AUTS2: variants seen among roughly 807,000 people sequenced by gnomAD.
The protein encoded by AUTS2 is activator of transcription and developmental regulator AUTS2, also known as autism susceptibility gene 2 protein.
AUTS2 carries 17 observed loss-of-function variants against 112.4 expected under a neutral mutation model. The ratio of observed to expected loss-of-function variants is 0.15; its 90% CI spans 0.10 to 0.23. The LOEUF is 0.23. AUTS2 is among the 10% of genes least tolerant of loss of function. The pLI, the probability that AUTS2 is intolerant of heterozygous loss-of-function variation, is 1.00. For missense variants in AUTS2, 1,510 were observed against 1,701.6 expected (o/e 0.89, Z 1.98); for synonymous variants, 751 against 702.7 (o/e 1.07, Z -1.09).
chr7:69,603,094 T>G (rs1034994905), intron 1 of AUTS2, among the ~76,000 whole-genome samples: 2 of 152,226 alleles, frequency 1.3e-5, no homozygotes, highest in African/African-American at 2.4e-5. Flanking sequence ...TAGTATGTTT[T>G]CGGGCCTTGT....
intron 2 of AUTS2, among the ~76,000 whole-genome samples, chr7:69,948,770 TTTCATTTATTTATTTA>T (rs1796912813): frequency 6.7e-6 from 1 of 149,618 alleles, no homozygotes; most frequent in African/African-American, 2.5e-5. Flanking sequence ...CAAAATTTTC[TTTCATTTATTTATTTA>T]TTTATTTATT....
chr7:70,400,894 G>T (rs1048615730), intron 4 of AUTS2, among the ~76,000 whole-genome samples: 2 of 152,126 alleles, frequency 1.3e-5, no homozygotes, highest in Non-Finnish European at 2.9e-5. Context: ...TCTAATGCAC[G>T]CCAAAGTTGA....
chr7:70,208,011 C>CAAAAAAAAAAAAAAAAAAA (rs61267230), intron 4 of AUTS2, among the ~76,000 whole-genome samples: 1 of 48,052 alleles, frequency 2.1e-5, no homozygotes, highest in Non-Finnish European at 4.1e-5. Flanking sequence ...AACTCCATCT[C>CAAAAAAAAAAAAAAAAAAA]AAAAAAAAAA....
intron 2 of AUTS2, among the ~76,000 whole-genome samples, chr7:70,109,185 A>C (rs1804939734): frequency 6.6e-6 from 1 of 152,234 alleles, no homozygotes; most frequent in Non-Finnish European, 1.5e-5. Flanking sequence ...AAATCATAAA[A>C]AGTAAGTTTT....
intron 4 of AUTS2, among the ~76,000 whole-genome samples, chr7:70,266,598 T>C (rs977221867): frequency 1.5e-4 from 23 of 152,132 alleles, no homozygotes; most frequent in African/African-American, 5.6e-4. Context: ...TTTTTGAGGG[T>C]GATGGAAGTG....
At chr7:69,871,293 G>A (rs908926069) in intron 1 of AUTS2, among the ~76,000 whole-genome samples, 3 of 152,148 alleles carry the variant, frequency 2.0e-5, no homozygotes, top group Admixed American at 2.0e-4. Context: ...TTGAAGTTTT[G>A]ATTTGAAGGG....
intron 5 of AUTS2, among the ~76,000 whole-genome samples, chr7:70,617,490 G>GTTTTTGTAT (rs910751770): frequency 6.6e-6 from 1 of 152,024 alleles, no homozygotes; most frequent in Non-Finnish European, 1.5e-5. Flanking sequence ...GTGAAACCCC[G>GTTTTTGTAT]TTTCTACCAA....
At chr7:69,907,957 A>G (rs1378241464) in intron 2 of AUTS2, among the ~76,000 whole-genome samples, 1 of 152,186 alleles carries the variant, frequency 6.6e-6, no homozygotes, top group Non-Finnish European at 1.5e-5. Context: ...GCTTTTGTAA[A>G]TGTTTATATG....
chr7:69,776,428 T>A (rs948917077), intron 1 of AUTS2, among the ~76,000 whole-genome samples: 2 of 152,120 alleles, frequency 1.3e-5, no homozygotes, highest in African/African-American at 4.8e-5. Context: ...ATTTTTTTGT[T>A]TTTTAGAGAT....
chr7:70,553,186 G>A (rs966286882), intron 5 of AUTS2, among the ~76,000 whole-genome samples: 1 of 152,170 alleles, frequency 6.6e-6, no homozygotes. Flanking sequence ...GACAGACCCT[G>A]TGCGTATTTT....
intron 4 of AUTS2, among the ~76,000 whole-genome samples, chr7:70,185,336 G>A (rs1409393237): frequency 1.4e-5 from 2 of 143,292 alleles, no homozygotes; most frequent in Admixed American, 1.5e-4. Flanking sequence ...TCAACCTCTG[G>A]CCTCAAGTGA....
At chr7:70,487,639 A>G (rs973041690) in intron 5 of AUTS2, among the ~76,000 whole-genome samples, 1 of 152,182 alleles carries the variant, frequency 6.6e-6, no homozygotes. Context: ...GGAAGTGCGC[A>G]TGCTAAATGT....
chr7:69,747,811 G>GTGTGTGTGTA (rs1787565145), intron 1 of AUTS2, among the ~76,000 whole-genome samples: 1 of 151,560 alleles, frequency 6.6e-6, no homozygotes, highest in Non-Finnish European at 1.5e-5. Flanking sequence ...GTGTGTGTGT[G>GTGTGTGTGTA]TGTGTATGAG....
At chr7:70,763,688 G>A (rs146584264) in intron 7 of AUTS2, among the ~76,000 whole-genome samples, 63 of 152,296 alleles carry the variant, frequency 4.1e-4, no homozygotes, top group African/African-American at 1.3e-3. Flanking sequence ...CAGAGGCCAT[G>A]CAGTGTGAGC....
At chr7:70,226,446 C>G (rs1423761963) in intron 4 of AUTS2, among the ~76,000 whole-genome samples, 1 of 150,436 alleles carries the variant, frequency 6.6e-6, no homozygotes, top group Non-Finnish European at 1.5e-5. Flanking sequence ...ACCTTGTGAT[C>G]CGCCCTCCTT....
At chr7:70,390,437 G>C (rs762872722) in intron 4 of AUTS2, among the ~76,000 whole-genome samples, 6 of 152,104 alleles carry the variant, frequency 3.9e-5, no homozygotes, top group Non-Finnish European at 8.8e-5. Flanking sequence ...TTTTAGTCCT[G>C]AGTCATCTAC....
At chr7:69,652,661 GGACC>G (rs1795347000) in intron 1 of AUTS2, among the ~76,000 whole-genome samples, 1 of 151,896 alleles carries the variant, frequency 6.6e-6, no homozygotes, top group African/African-American at 2.4e-5. Flanking sequence ...GTGAATTTAT[GGACC>G]TGCAAAGTTT....
At chr7:69,813,558 C>T (rs1790637781) in intron 1 of AUTS2, among the ~76,000 whole-genome samples, 1 of 152,126 alleles carries the variant, frequency 6.6e-6, no homozygotes, top group Non-Finnish European at 1.5e-5. Context: ...ATGTCTATCT[C>T]TCAGAATCGT....
chr7:70,518,795 C>G (rs979693627), intron 5 of AUTS2, among the ~76,000 whole-genome samples: 1 of 152,264 alleles, frequency 6.6e-6, no homozygotes, highest in Non-Finnish European at 1.5e-5. Flanking sequence ...CTTCCGCCTC[C>G]CGGATTCAAG....
Sources: allele counts gnomAD v4.1 joint callset (sites outside exome capture counted in the v4.1 genomes callset), GRCh38; gene constraint gnomAD v4.1.1; transcripts MANE v1.5; gene names NCBI Gene and HGNC (gene_info 2026-07-23, HGNC 2026-07-21).